The following FGGY variants were observed in gnomAD, a reference collection of about 807,000 sequenced individuals.
The protein encoded by FGGY is FGGY carbohydrate kinase domain containing.
FGGY carries 72 observed loss-of-function variants against 71.3 expected under a neutral mutation model. The ratio of observed to expected loss-of-function variants is 1.01; its 90% CI spans 0.84 to 1.23. The LOEUF (loss-of-function observed/expected upper bound fraction) is 1.23, where lower values mean the gene tolerates loss of function less well. FGGY is among the 50% of genes most tolerant of loss of function. The pLI is 0.00. For missense variants in FGGY, 668 were observed against 682.3 expected, an observed-to-expected ratio of 0.98 and a Z score of 0.23; for synonymous variants, 251 against 250.3, an observed-to-expected ratio of 1.00 and a Z score of -0.02.
intron 8 of FGGY, among the ~76,000 whole-genome samples, chr1:59,570,131 C>T (rs1571417291): frequency 6.6e-6 from 1 of 152,156 alleles, no homozygotes; most frequent in Non-Finnish European, 1.5e-5. Context: ...CCTCAGGCCC[C>T]TCTCCCACAG....
chr1:59,300,229 A>G (rs2042555690), intron 1 of FGGY, among the ~76,000 whole-genome samples: 1 of 152,202 alleles, frequency 6.6e-6, no homozygotes, highest in African/African-American at 2.4e-5. Context: ...CCATCAAAAG[A>G]ACATACCTAA....
intron 14 of FGGY, among the ~76,000 whole-genome samples, chr1:59,709,252 G>A (rs544686199): frequency 1.4e-4 from 21 of 152,282 alleles, no homozygotes; most frequent in African/African-American, 5.1e-4. Flanking sequence ...GGGGAAGCAG[G>A]CACATTCTTC....
At chr1:59,563,045 G>A (rs995614047) in intron 8 of FGGY, among the ~76,000 whole-genome samples, 4 of 152,096 alleles carry the variant, frequency 2.6e-5, no homozygotes, top group Admixed American at 2.6e-4. Context: ...TCTGCAAACC[G>A]AGATAATTTG....
chr1:59,507,799 G>T (rs2094430553), intron 6 of FGGY, among the ~76,000 whole-genome samples: 1 of 150,126 alleles, frequency 6.7e-6, no homozygotes, highest in Non-Finnish European at 1.5e-5. Flanking sequence ...CTCCCAAAGT[G>T]CTGGGGATTA....
chr1:59,569,194 A>G (rs1356544264), intron 8 of FGGY, among the ~76,000 whole-genome samples: 1 of 152,222 alleles, frequency 6.6e-6, no homozygotes, highest in Admixed American at 6.5e-5. Context: ...TGTAAGGCTA[A>G]TTGTCGAATC....
At chr1:59,627,821 C>T (rs1244467628) in intron 10 of FGGY, among the ~76,000 whole-genome samples, 1 of 152,000 alleles carries the variant, frequency 6.6e-6, no homozygotes, top group East Asian at 1.9e-4. Flanking sequence ...CTCTCAGTGG[C>T]CTACTCAGGA....
At chr1:59,709,094 G>A (rs539617716) in intron 14 of FGGY, among the ~76,000 whole-genome samples, 15 of 151,800 alleles carry the variant, frequency 9.9e-5, no homozygotes, top group African/African-American at 2.4e-4. Context: ...GCGCATACAC[G>A]TCCTCACTCT....
chr1:59,505,263 T>C (rs1038022906), intron 6 of FGGY, among the ~76,000 whole-genome samples: 1 of 152,216 alleles, frequency 6.6e-6, no homozygotes, highest in African/African-American at 2.4e-5. Flanking sequence ...TACTTGAGCG[T>C]AGGGGCCTTA....
chr1:59,309,904 C>T (rs2043994375), intron 1 of FGGY: 1 of 151,656 alleles, frequency 6.6e-6, no homozygotes, highest in Non-Finnish European at 1.5e-5. Flanking sequence ...TGCTTGAAAC[C>T]CAAGAGGCAG....
At chr1:59,599,998 GAATTA>G (rs1392924631) in intron 8 of FGGY, among the ~76,000 whole-genome samples, 1 of 152,132 alleles carries the variant, frequency 6.6e-6, no homozygotes, top group Non-Finnish European at 1.5e-5. Context: ...GAGAATGATA[GAATTA>G]AATTTGTGTA....
intron 6 of FGGY, among the ~76,000 whole-genome samples, chr1:59,504,884 A>G (rs1260608993): frequency 6.6e-6 from 1 of 152,228 alleles, no homozygotes; most frequent in Non-Finnish European, 1.5e-5. Flanking sequence ...GTCTTAAAAA[A>G]ACTAAGTTCA....
intron 11 of FGGY, among the ~76,000 whole-genome samples, chr1:59,651,420 A>C (rs1340199074): frequency 6.7e-6 from 1 of 148,590 alleles, no homozygotes; most frequent in Non-Finnish European, 1.5e-5. Flanking sequence ...GACTTGCTTT[A>C]TGAATCTGGG....
rs2043675642 is a variant in FGGY, at chr1:59,307,817, T to C, written c.-15+10667T>C. Among the ~76,000 whole-genome samples, 14 of 152,292 alleles carry C rather than the reference T, an allele frequency of 9.2e-5. No homozygotes were observed. In the South Asian group the frequency reaches 2.9e-3, roughly 32 times the overall value. On this transcript the variant is annotated intron_variant, in intron 1 of 15. Transcript: ENST00000303721. Reference sequence around the variant, plus strand: ...CAAAATTCCCCTCAAAGACAGTTTGTGAAGAAGCCCCAGCTCCCTTTCCCT... The same window carrying C: ...CAAAATTCCCCTCAAAGACAGTTTGCGAAGAAGCCCCAGCTCCCTTTCCCT...
chr1:59,400,246 C>G (rs895135402), intron 5 of FGGY, among the ~76,000 whole-genome samples: 1 of 152,174 alleles, frequency 6.6e-6, no homozygotes, highest in African/African-American at 2.4e-5. Context: ...AGTCAGATCT[C>G]CCTTGTGAAT....
intron 13 of FGGY, among the ~76,000 whole-genome samples, chr1:59,670,719 A>G (rs938057505): frequency 6.1e-3 from 37 of 6,106 alleles, no homozygotes; most frequent in Non-Finnish European, 0.011. Context: ...ATTTGAGGGA[A>G]AAAAAAAAGC....
chr1:59,384,692 C>A lies in FGGY; in HGVS notation c.554+5855C>A, dbSNP rs138232613. On this transcript the variant is annotated intron_variant, in intron 5 of 15. Transcript: ENST00000303721. The stretch of plus-strand genomic sequence containing the variant: ...CTCCATCATGTGCAGTCTGTAAGAA[C>A]CTGGAGCAAATTATTTACCTCCCTG... 3.3e-3 allele frequency among the ~76,000 whole-genome samples: 504 copies of A among 152,228 alleles called. 1 individual carries two copies. Among genetic ancestry groups the A allele is most frequent in the Non-Finnish European group, 5.2e-3 (352 of 68,010 alleles).
At chr1:59,511,923 A>C (rs980621447) in intron 6 of FGGY, among the ~76,000 whole-genome samples, 3 of 152,218 alleles carry the variant, frequency 2.0e-5, no homozygotes, top group East Asian at 3.9e-4. Context: ...ATGTGTGAAC[A>C]TGTGGGTTTA....
chr1:59,715,991 A>C (rs1350764530), intron 14 of FGGY, among the ~76,000 whole-genome samples: 2 of 152,188 alleles, frequency 1.3e-5, no homozygotes, highest in African/African-American at 4.8e-5. Flanking sequence ...GGCCCATAAA[A>C]CCTAAAATAC....
chr1:59,307,043 G>T (rs141999935), intron 1 of FGGY, among the ~76,000 whole-genome samples: 2 of 152,082 alleles, frequency 1.3e-5, no homozygotes, highest in African/African-American at 4.8e-5. Context: ...GGCCAAGCAC[G>T]GTGGCTCATG....
Sources: allele counts gnomAD v4.1 joint callset (sites outside exome capture counted in the v4.1 genomes callset), GRCh38; gene constraint gnomAD v4.1.1; transcripts MANE v1.5; gene names NCBI Gene and HGNC (gene_info 2026-07-23, HGNC 2026-07-21).